Variants in SAMD12 observed in about 807,000 individuals in gnomAD.
The protein encoded by SAMD12 is sterile alpha motif domain containing 12.
A neutral mutation model predicts 15.0 loss-of-function variants in SAMD12; 9 were observed. The ratio of observed to expected loss-of-function variants is 0.60; its 90% CI spans 0.36 to 1.05. The LOEUF is 1.05. Among genes scored for constraint, SAMD12 ranks in the 50% least tolerant of loss-of-function variants. The pLI, the probability that SAMD12 is intolerant of heterozygous loss-of-function variation, is 0.01. For missense variants in SAMD12, 230 were observed against 234.2 expected (o/e 0.98, Z 0.12); for synonymous variants, 86 against 90.1 (o/e 0.96, Z 0.25).
At chr8:118,459,303 T>C (rs1823348112) in intron 2 of SAMD12, among the ~76,000 whole-genome samples, 1 of 152,142 alleles carries the variant, frequency 6.6e-6, no homozygotes, top group Non-Finnish European at 1.5e-5. Flanking sequence ...TGACCTCAAG[T>C]GATCTGCCCG....
intron 2 of SAMD12, among the ~76,000 whole-genome samples, chr8:118,511,864 C>A (rs1424741983): frequency 6.6e-6 from 1 of 152,138 alleles, no homozygotes; most frequent in Non-Finnish European, 1.5e-5. Context: ...CAAATCTGCA[C>A]TGAACAAAGA....
At chr8:118,521,432 T>C (rs1449914549) in intron 2 of SAMD12, among the ~76,000 whole-genome samples, 1 of 152,150 alleles carries the variant, frequency 6.6e-6, no homozygotes, top group African/African-American at 2.4e-5. Context: ...TGAAGGAGGG[T>C]ACATTTGAAA....
At chr8:118,474,176 G>A (rs914899154) in intron 2 of SAMD12, among the ~76,000 whole-genome samples, 24 of 152,018 alleles carry the variant, frequency 1.6e-4, no homozygotes, top group African/African-American at 5.8e-4. Flanking sequence ...GGCCAGGCTG[G>A]TGTCGAACTC....
intron 4 of SAMD12, among the ~76,000 whole-genome samples, chr8:118,337,282 T>C (rs1817129458): frequency 6.6e-6 from 1 of 152,166 alleles, no homozygotes; most frequent in Non-Finnish European, 1.5e-5. Context: ...TTGGAACCAG[T>C]AATCCATGTC....
At chr8:118,560,492 G>A (rs1826671792) in intron 2 of SAMD12, among the ~76,000 whole-genome samples, 1 of 152,110 alleles carries the variant, frequency 6.6e-6, no homozygotes, top group Admixed American at 6.6e-5. Context: ...GTGTAGTGGA[G>A]GAAAAAAGCT....
chr8:118,566,499 T>C (rs1826855874), intron 2 of SAMD12, among the ~76,000 whole-genome samples: 1 of 152,190 alleles, frequency 6.6e-6, no homozygotes, highest in Admixed American at 6.5e-5. Flanking sequence ...AACATAGTTT[T>C]TACCAGAGAA....
intron 2 of SAMD12, among the ~76,000 whole-genome samples, chr8:118,466,685 T>C (rs1238265271): frequency 2.6e-5 from 4 of 152,198 alleles, no homozygotes; most frequent in African/African-American, 9.7e-5. Flanking sequence ...GACCATCCTT[T>C]ACAAATTACT....
chr8:118,572,708 G>A (rs917737814), intron 2 of SAMD12, among the ~76,000 whole-genome samples: 3 of 152,128 alleles, frequency 2.0e-5, no homozygotes, highest in African/African-American at 4.8e-5. Flanking sequence ...ACACTTCCAC[G>A]TGGCTAGGGA....
intron 2 of SAMD12, among the ~76,000 whole-genome samples, chr8:118,556,527 G>T (rs1826535668): frequency 6.6e-6 from 1 of 152,094 alleles, no homozygotes; most frequent in South Asian, 2.1e-4. Context: ...AAGTAATTTT[G>T]GGGCTCCAAG....
intron 4 of SAMD12, among the ~76,000 whole-genome samples, chr8:118,363,732 C>A (rs1818623304): frequency 6.6e-6 from 1 of 152,182 alleles, no homozygotes; most frequent in Non-Finnish European, 1.5e-5. Flanking sequence ...TACATACATT[C>A]TTATTGGCTC....
chr8:118,499,573 A>G (rs1490229057), intron 2 of SAMD12, among the ~76,000 whole-genome samples: 1 of 152,184 alleles, frequency 6.6e-6, no homozygotes, highest in African/African-American at 2.4e-5. Context: ...ATATTATTCA[A>G]TACTGTTTTA....
At chr8:118,227,762 C>G (rs1408551203) in intron 4 of SAMD12, among the ~76,000 whole-genome samples, 2 of 152,154 alleles carry the variant, frequency 1.3e-5, no homozygotes, top group African/African-American at 4.8e-5. Context: ...CACACAAAAG[C>G]AGATCTCAAC....
chr8:118,410,341 C>T (rs1821349315), intron 3 of SAMD12, among the ~76,000 whole-genome samples: 1 of 152,148 alleles, frequency 6.6e-6, no homozygotes, highest in Admixed American at 6.6e-5. Flanking sequence ...TTTTCCAAGG[C>T]TATGAAAAAT....
At chr8:118,188,399 G>A (rs944676910), downstream of SAMD12, among the ~76,000 whole-genome samples, 1 of 152,116 alleles carries the variant, frequency 6.6e-6, no homozygotes, top group Non-Finnish European at 1.5e-5. Flanking sequence ...TGTGCTTTTA[G>A]GGTTGCAAGG....
At chr8:118,354,599 T>G (rs1441924316) in intron 4 of SAMD12, among the ~76,000 whole-genome samples, 1 of 152,184 alleles carries the variant, frequency 6.6e-6, no homozygotes, top group East Asian at 1.9e-4. Flanking sequence ...CACATTAAAA[T>G]AAAGTATAAA....
At chr8:118,168,037 CAT>C in the SAMD12 span, among the ~76,000 whole-genome samples, 1 of 152,164 alleles carries the variant, frequency 6.6e-6, no homozygotes, top group Admixed American at 6.5e-5. Context: ...TGGTCTTTCC[CAT>C]GCTATTCTCG....
the SAMD12 span, among the ~76,000 whole-genome samples, chr8:118,183,441 T>C: frequency 6.6e-6 from 1 of 152,220 alleles, no homozygotes; most frequent in Non-Finnish European, 1.5e-5. Context: ...GTTTTCAAAG[T>C]ACCTGTGATC....
chr8:118,479,908 CT>C (rs1824076414), intron 2 of SAMD12, among the ~76,000 whole-genome samples: 1 of 152,052 alleles, frequency 6.6e-6, no homozygotes, highest in Non-Finnish European at 1.5e-5. Flanking sequence ...CATATTATCT[CT>C]TGAAAACAAG....
the SAMD12 span, among the ~76,000 whole-genome samples, chr8:118,172,370 AT>A: frequency 6.6e-6 from 1 of 152,220 alleles, no homozygotes; most frequent in African/African-American, 2.4e-5. Flanking sequence ...GTTAGACTTT[AT>A]AGTCAGTTTC....
Sources: gnomAD v4.1 joint callset for allele counts (sites outside exome capture counted in the v4.1 genomes callset) on GRCh38, gnomAD v4.1.1 for gene constraint, MANE v1.5 for transcripts, NCBI Gene and HGNC (gene_info 2026-07-23, HGNC 2026-07-21) for gene names.